The following CCSER1 variants were observed in gnomAD, a reference collection of about 807,000 sequenced individuals.
CCSER1 encodes coiled-coil serine rich protein 1, also known as serine-rich coiled-coil domain-containing protein 1.
In CCSER1, 41 loss-of-function variants were observed where a neutral mutation model predicts 82.0. The ratio of observed to expected loss-of-function variants is 0.50; its 90% CI spans 0.39 to 0.65. The LOEUF (loss-of-function observed/expected upper bound fraction) is 0.65. CCSER1 is among the 30% of genes least tolerant of loss of function. The pLI is 0.00. For synonymous variants in CCSER1, 414 were observed against 383.9 expected, an observed-to-expected ratio of 1.08 and a Z score of -0.92; for missense variants, 1,119 against 1,064.2, an observed-to-expected ratio of 1.05 and a Z score of -0.72.
At chr4:91,509,941 G>T (rs1759731095) in intron 10 of CCSER1, among the ~76,000 whole-genome samples, 1 of 152,086 alleles carries the variant, frequency 6.6e-6, no homozygotes, top group African/African-American at 2.4e-5. Flanking sequence ...GGGTACGATT[G>T]ATCCTGTCAC....
At chr4:91,024,252 T>C (rs933349752) in intron 9 of CCSER1, among the ~76,000 whole-genome samples, 2 of 152,164 alleles carry the variant, frequency 1.3e-5, no homozygotes, top group African/African-American at 4.8e-5. Context: ...ATACCAAGTT[T>C]AGAAACTGAA....
chr4:90,140,520 A>G (rs78032083), intron 1 of CCSER1, among the ~76,000 whole-genome samples: 6,700 of 152,162 alleles, frequency 0.044, 212 homozygotes, highest in Non-Finnish European at 0.064. Context: ...TTACTGGAAT[A>G]TTTTTTGACA....
intron 1 of CCSER1, among the ~76,000 whole-genome samples, chr4:90,276,870 A>G (rs2153458061): frequency 6.6e-6 from 1 of 152,210 alleles, no homozygotes; most frequent in Non-Finnish European, 1.5e-5. Flanking sequence ...GCTATTGTAA[A>G]TGAGATTGTG....
At chr4:90,227,201 C>G (rs1377307958) in intron 1 of CCSER1, among the ~76,000 whole-genome samples, 1 of 152,162 alleles carries the variant, frequency 6.6e-6, no homozygotes, top group South Asian at 2.1e-4. Context: ...ACTAAAATGG[C>G]AAATCTATCA....
chr4:91,536,815 G>GT (rs1011319362), intron 10 of CCSER1, among the ~76,000 whole-genome samples: 1 of 151,874 alleles, frequency 6.6e-6, no homozygotes, highest in Non-Finnish European at 1.5e-5. Flanking sequence ...AGTTCCCTAT[G>GT]TTTTTTTACT....
intron 9 of CCSER1, among the ~76,000 whole-genome samples, chr4:90,982,726 T>C (rs1038889928): frequency 6.6e-6 from 1 of 151,716 alleles, no homozygotes; most frequent in African/African-American, 2.4e-5. Flanking sequence ...GGAAGTAAAA[T>C]TCAACTAACA....
intron 5 of CCSER1, among the ~76,000 whole-genome samples, chr4:90,593,399 T>C (rs1782942467): frequency 6.6e-6 from 1 of 152,002 alleles, no homozygotes; most frequent in Non-Finnish European, 1.5e-5. Flanking sequence ...TAATTGAAAA[T>C]GAAAGCACAC....
At chr4:90,949,258 C>T (rs1732624027) in intron 9 of CCSER1, among the ~76,000 whole-genome samples, 1 of 151,902 alleles carries the variant, frequency 6.6e-6, no homozygotes, top group African/African-American at 2.4e-5. Flanking sequence ...GCATAGCAAC[C>T]CAATTTAATC....
chr4:90,832,061 A>G (rs535988206), intron 8 of CCSER1, among the ~76,000 whole-genome samples: 33 of 151,098 alleles, frequency 2.2e-4, no homozygotes, highest in Admixed American at 7.3e-4. Context: ...TCTTTTTACA[A>G]GCATCAGGTA....
At chr4:90,334,271 A>G (rs999799926) in intron 3 of CCSER1, among the ~76,000 whole-genome samples, 8 of 152,114 alleles carry the variant, frequency 5.3e-5, no homozygotes, top group African/African-American at 1.9e-4. Context: ...TCACTATTAT[A>G]TAATGAGGGT....
chr4:91,081,301 C>A (rs1722704761), intron 9 of CCSER1, among the ~76,000 whole-genome samples: 2 of 152,124 alleles, frequency 1.3e-5, no homozygotes, highest in Admixed American at 1.3e-4. Context: ...GAACCAAAGA[C>A]AAAAACCACA....
At chr4:90,875,742 C>A (rs911304543) in intron 8 of CCSER1, among the ~76,000 whole-genome samples, 19 of 152,152 alleles carry the variant, frequency 1.2e-4, no homozygotes, top group Non-Finnish European at 2.2e-4. Context: ...AATGTTTCAA[C>A]AGCTTGACTA....
At chr4:90,807,084 A>C (rs1299444105) in intron 7 of CCSER1, among the ~76,000 whole-genome samples, 1 of 152,106 alleles carries the variant, frequency 6.6e-6, no homozygotes, top group African/African-American at 2.4e-5. Context: ...TGTCATCATC[A>C]ACCTCCACAG....
intron 10 of CCSER1, among the ~76,000 whole-genome samples, chr4:91,295,259 C>A (rs1231214362): frequency 1.3e-5 from 2 of 151,938 alleles, no homozygotes; most frequent in African/African-American, 2.4e-5. Flanking sequence ...TGAAATAATT[C>A]AAGTAAATGC....
chr4:90,883,747 A>T (rs982041713), intron 8 of CCSER1, among the ~76,000 whole-genome samples: 1 of 152,182 alleles, frequency 6.6e-6, no homozygotes. Context: ...ATGCTGTGGA[A>T]GCTATTTGAA....
At chr4:90,522,437 C>A (rs1008199466) in intron 5 of CCSER1, among the ~76,000 whole-genome samples, 2 of 152,104 alleles carry the variant, frequency 1.3e-5, no homozygotes, top group African/African-American at 4.8e-5. Context: ...CTTCTCTTAA[C>A]CTTTAGGAGT....
At chr4:90,131,121 C>T (rs909491196) in intron 1 of CCSER1, among the ~76,000 whole-genome samples, 9 of 152,158 alleles carry the variant, frequency 5.9e-5, no homozygotes, top group African/African-American at 1.9e-4. Context: ...CCTCAGCTCC[C>T]TGAGTAGCTG....
intron 10 of CCSER1, among the ~76,000 whole-genome samples, chr4:91,198,716 G>A (rs574591371): frequency 2.6e-5 from 4 of 152,202 alleles, no homozygotes; most frequent in Admixed American, 2.6e-4. Context: ...AAGTTTTGAG[G>A]ACGTGGTGGA....
Position 91,599,227 on chromosome 4 carries a change from TC to T in CCSER1, c.*172del. 1 of 798,708 alleles carries T rather than the reference TC, an allele frequency of 1.3e-6. No individual in the cohort carries two copies. Among genetic ancestry groups the T allele is most frequent in the Non-Finnish European group, 1.9e-6 (1 of 536,558 alleles). The allele number at this position is 798,708 out of a possible 1,614,324, so 49.5% of individuals were successfully genotyped here. A position where few individuals can be genotyped will look rare whatever the true frequency, so the allele number is the denominator to read the frequency against. On this transcript the variant is annotated 3_prime_UTR_variant, in exon 11 of 11. Coordinates refer to ENST00000509176, the MANE Select transcript of CCSER1 (RefSeq NM_001145065.2). ...AACAAAGACTTGTGGGTTTTTTTTTTCCAAGAGTGAAAGTTTGAGCATGTTA... is the reference window on the plus strand; with the variant it reads ...AACAAAGACTTGTGGGTTTTTTTTTTCAAGAGTGAAAGTTTGAGCATGTTA...
Sources: gnomAD v4.1 joint callset for allele counts (sites outside exome capture counted in the v4.1 genomes callset) on GRCh38, gnomAD v4.1.1 for gene constraint, MANE v1.5 for transcripts, NCBI Gene and HGNC (gene_info 2026-07-23, HGNC 2026-07-21) for gene names.